Variants in TBC1D1 observed in about 807,000 individuals in gnomAD.
TBC1D1 encodes the protein TBC1 (tre-2/USP6, BUB2, cdc16) domain family, member 1.
Under a neutral mutation model 125.6 loss-of-function variants are expected in TBC1D1, and 89 were observed. The ratio of observed to expected loss-of-function variants is 0.71; its 90% confidence interval spans 0.60 to 0.85. The LOEUF (loss-of-function observed/expected upper bound fraction) is 0.85. TBC1D1 is among the 40% of genes least tolerant of loss of function. The pLI is 0.00. For missense variants in TBC1D1, 1,377 were observed against 1,469.2 expected (o/e 0.94, Z 1.03); for synonymous variants, 565 against 564.1 (o/e 1.00, Z -0.02).
Position 37,995,563 on chromosome 4 carries a change from T to C in TBC1D1, c.418-18946T>C. ...CTCCAGGTTGGTGCTGATGATATGA[T>C]AAAGCTCAGCACAGAAGGCCTTCAG... On this transcript the variant is annotated intron_variant, in intron 2 of 19. Transcript: ENST00000261439. This position sits in a 1 kb window ranked among gnomAD's most constrained non-coding sequence, Gnocchi z 4.3. 3 of 416,688 alleles carry C rather than the reference T, an allele frequency of 7.2e-6. No homozygotes were observed. Among genetic ancestry groups the C allele is most frequent in the Non-Finnish European group, 1.4e-5 (3 of 212,736 alleles). The allele number at this position is 416,688 out of a possible 1,614,324, so 25.8% of individuals were successfully genotyped here. A position where few individuals can be genotyped will look rare whatever the true frequency, so the allele number is the denominator to read the frequency against.
chr4:37,999,704 G>T (rs1215494560), intron 2 of TBC1D1, among the ~76,000 whole-genome samples: 1 of 152,166 alleles, frequency 6.6e-6, no homozygotes, highest in Non-Finnish European at 1.5e-5. Context: ...TAGAGGAAAG[G>T]CTTGCCCACT....
rs191400895 is a variant in TBC1D1, at chr4:38,082,797, G to C, written c.2051-7135G>C. Among the ~76,000 whole-genome samples, 67 of 152,256 alleles carry C rather than the reference G, an allele frequency of 4.4e-4. No homozygotes were observed. In the East Asian group the frequency reaches 0.011, roughly 25 times the overall value. On this transcript the variant is annotated intron_variant, in intron 12 of 19. Coordinates refer to ENST00000261439, the MANE Select transcript of TBC1D1 (RefSeq NM_015173.4). ...TCTCTTCCCTGGACTTCCCACTGCC[G>C]TGTGGTCTTCAGTGCTCCTCTGAGC...
Position 38,081,210 on chromosome 4 carries a change from G to C in TBC1D1, c.2051-8722G>C, listed in dbSNP as rs1264081230. On this transcript the variant is annotated intron_variant, in intron 12 of 19. Coordinates refer to ENST00000261439, the MANE Select transcript of TBC1D1 (RefSeq NM_015173.4). ...GCTCCCTGGCCTCCTGCTTCTCGGAGCTTCTCTTGTGTTTGTTTTCTGTGC... is the reference window on the plus strand; with the variant it reads ...GCTCCCTGGCCTCCTGCTTCTCGGACCTTCTCTTGTGTTTGTTTTCTGTGC... 2.6e-5 allele frequency among the ~76,000 whole-genome samples: 4 copies of C among 152,230 alleles called. No individual in the cohort carries two copies. The East Asian group carries it at 7.7e-4, about 29-fold the overall frequency.
intron 12 of TBC1D1, among the ~76,000 whole-genome samples, chr4:38,085,860 G>A (rs915649381): frequency 1.2e-4 from 18 of 152,130 alleles, no homozygotes; most frequent in Non-Finnish European, 2.6e-4. Context: ...GTTCTTAGCT[G>A]ACAGTTGCCT....
chr4:37,898,268 C>T (rs926769374), intron 1 of TBC1D1, among the ~76,000 whole-genome samples: 2 of 152,160 alleles, frequency 1.3e-5, no homozygotes, highest in East Asian at 3.9e-4. Flanking sequence ...GTAGAAAGTG[C>T]AGAAAAGCCT....
At chr4:37,902,703 C>T (rs755071379) in intron 2 of TBC1D1, among the ~76,000 whole-genome samples, 191 bp downstream of exon 2, 22 of 152,254 alleles carry the variant, frequency 1.4e-4, no homozygotes, top group Admixed American at 5.2e-4. Context: ...AAAACAGATA[C>T]GAGAAATTAT....
Position 38,037,941 on chromosome 4 carries a change from C to T in TBC1D1, c.1413+2243C>T, listed in dbSNP as rs932442665. On this transcript the variant is annotated intron_variant, in intron 8 of 19. Coordinates refer to ENST00000261439, the MANE Select transcript of TBC1D1 (RefSeq NM_015173.4). ...GTCACGTTTTAGTCAATGGACTTGT[C>T]GTTTCCACCTGTATTCACAGAGGTG... Among the ~76,000 whole-genome samples the T allele has an allele frequency of 7.2e-5, 11 of 152,166 alleles. 1 individual carries two copies. Among genetic ancestry groups the T allele is most frequent in the Admixed American group, 6.5e-4 (10 of 15,282 alleles).
Position 38,136,085 on chromosome 4 carries a change from G to C in TBC1D1, c.3307-1050G>C, listed in dbSNP as rs114832549. On this transcript the variant is annotated intron_variant, in intron 19 of 19. Coordinates refer to ENST00000261439, the MANE Select transcript of TBC1D1 (RefSeq NM_015173.4). Reference sequence around the variant, plus strand: ...GTGAGCTGGGGAACAGGTCAGAAAGGCCTCAGGGACATCAGCATACATGTT... The same window carrying C: ...GTGAGCTGGGGAACAGGTCAGAAAGCCCTCAGGGACATCAGCATACATGTT... Among the ~76,000 whole-genome samples the C allele has an allele frequency of 6.8e-3, 1,037 of 152,154 alleles. 15 individuals are homozygous for C. Among genetic ancestry groups the C allele is most frequent in the Non-Finnish European group, 8.8e-3 (601 of 67,998 alleles).
chr4:37,916,149 C>T (rs917246912), intron 2 of TBC1D1, among the ~76,000 whole-genome samples: 2 of 152,144 alleles, frequency 1.3e-5, no homozygotes, highest in African/African-American at 4.8e-5. Context: ...GAGTTAGAGG[C>T]ACAAGTTTCC....
chr4:38,003,633 T>C (rs1248428505), intron 2 of TBC1D1, among the ~76,000 whole-genome samples: 1 of 152,108 alleles, frequency 6.6e-6, no homozygotes, highest in Non-Finnish European at 1.5e-5. Context: ...TTTGGGAGGC[T>C]GAGGTGGGAA....
At chr4:38,033,489 G>T (rs756905407) in intron 7 of TBC1D1, among the ~76,000 whole-genome samples, 1 of 152,030 alleles carries the variant, frequency 6.6e-6, no homozygotes, top group South Asian at 2.1e-4. Flanking sequence ...CAGTTTCTCC[G>T]ATTTTTAACA....
At chr4:38,012,716 A>G (rs1174309627) in intron 2 of TBC1D1, among the ~76,000 whole-genome samples, 1 of 152,192 alleles carries the variant, frequency 6.6e-6, no homozygotes, top group African/African-American at 2.4e-5. Context: ...TGTATGATGT[A>G]TGATTATTTG....
intron 1 of TBC1D1, among the ~76,000 whole-genome samples, 196 bp from the exon 2 acceptor site, chr4:37,901,807 G>A (rs1451512260): frequency 2.6e-5 from 4 of 152,172 alleles, no homozygotes; most frequent in African/African-American, 9.7e-5. Flanking sequence ...CCTGTAATGA[G>A]TGTGACAGTT....
At chr4:38,056,563 C>T (rs1414858015) in intron 12 of TBC1D1, among the ~76,000 whole-genome samples, 1 of 152,186 alleles carries the variant, frequency 6.6e-6, no homozygotes, top group Middle Eastern at 3.2e-3. Flanking sequence ...AAGCTCAGTG[C>T]TTTGGGAGGC....
At chr4:37,988,560 CCATCAT>C (rs1735912779) in intron 2 of TBC1D1, among the ~76,000 whole-genome samples, 1 of 152,174 alleles carries the variant, frequency 6.6e-6, no homozygotes, top group Non-Finnish European at 1.5e-5. Flanking sequence ...TACTCGTGAA[CCATCAT>C]CATCATTGAA....
intron 14 of TBC1D1, among the ~76,000 whole-genome samples, chr4:38,096,911 A>G (rs142267286): frequency 7.9e-5 from 12 of 152,336 alleles, no homozygotes; most frequent in Admixed American, 7.2e-4. Flanking sequence ...TGCTTCACAG[A>G]TAGTTTGAGA....
At chr4:38,125,827 A>T (rs1310284702) in intron 18 of TBC1D1, among the ~76,000 whole-genome samples, 1 of 152,204 alleles carries the variant, frequency 6.6e-6, no homozygotes, top group African/African-American at 2.4e-5. Context: ...GCTGCTGATG[A>T]TGGAGGACTA....
chr4:38,031,930 C>A (rs971482179), intron 7 of TBC1D1, among the ~76,000 whole-genome samples: 17 of 152,208 alleles, frequency 1.1e-4, no homozygotes, highest in African/African-American at 3.9e-4. Context: ...TGAAGTATGA[C>A]ATGCATATAG....
chr4:38,061,291 A>C (rs1367872701), intron 12 of TBC1D1, among the ~76,000 whole-genome samples: 2 of 149,110 alleles, frequency 1.3e-5, no homozygotes, highest in Non-Finnish European at 3.0e-5. Flanking sequence ...TCAAGCCTAC[A>C]AAAAAAAAAT....
Sources: allele counts gnomAD v4.1 joint callset (sites outside exome capture counted in the v4.1 genomes callset), GRCh38; gene constraint gnomAD v4.1.1; non-coding constraint Gnocchi (gnomAD v3.1); transcripts MANE v1.5; gene names NCBI Gene and HGNC (gene_info 2026-07-23, HGNC 2026-07-21).